Variants in SEPTIN9 observed in about 807,000 individuals in gnomAD.
SEPTIN9 encodes septin 9, also known as septin-9.
SEPTIN9 carries 13 observed loss-of-function variants against 56.6 expected under a neutral mutation model. The ratio of observed to expected loss-of-function variants is 0.23; its 90% confidence interval spans 0.15 to 0.37. The LOEUF (loss-of-function observed/expected upper bound fraction) is 0.37. Among genes scored for constraint, SEPTIN9 ranks in the 10% least tolerant of loss-of-function variants. SEPTIN9 has a pLI of 1.00. For synonymous variants in SEPTIN9, 332 were observed against 334.1 expected, an observed-to-expected ratio of 0.99 and a Z score of 0.07; for missense variants, 650 against 823.1, an observed-to-expected ratio of 0.79 and a Z score of 2.57.
At chr17:77,356,375 G>C (rs372250457) in intron 2 of SEPTIN9, among the ~76,000 whole-genome samples, 43 of 152,134 alleles carry the variant, frequency 2.8e-4, no homozygotes, top group African/African-American at 8.9e-4. Flanking sequence ...TGGTGGCTGA[G>C]AACAGGGACG....
chr17:77,363,339 G>A (rs2034476413), intron 2 of SEPTIN9, among the ~76,000 whole-genome samples: 1 of 151,560 alleles, frequency 6.6e-6, no homozygotes, highest in Non-Finnish European at 1.5e-5. Flanking sequence ...CCACCCAGAG[G>A]TGGGAAGGTG....
intron 3 of SEPTIN9, among the ~76,000 whole-genome samples, chr17:77,432,472 G>A (rs977974627): frequency 3.3e-5 from 5 of 152,254 alleles, no homozygotes; most frequent in East Asian, 1.9e-4. Flanking sequence ...GAGAACGGGG[G>A]TAGAGAGATG....
intron 4 of SEPTIN9, among the ~76,000 whole-genome samples, chr17:77,486,242 A>G (rs2039773602): frequency 6.6e-6 from 1 of 151,964 alleles, no homozygotes; most frequent in Admixed American, 6.6e-5. Context: ...AGCTGGGACT[A>G]TAGGTGCTCG....
chr17:77,376,501 G>A, intron 2 of SEPTIN9: 1 of 668,072 alleles, frequency 1.5e-6, no homozygotes, highest in South Asian at 6.6e-5. Context: ...GTCACCATGT[G>A]GGTTGCTGAG....
intron 2 of SEPTIN9, among the ~76,000 whole-genome samples, chr17:77,357,079 G>A (rs989085393): frequency 6.6e-6 from 1 of 152,086 alleles, no homozygotes; most frequent in Non-Finnish European, 1.5e-5. Context: ...AGGTGTCGGA[G>A]GAAGGGGCTG....
rs1319214070 is a variant in SEPTIN9 at position 77,425,280 on chromosome 17, G to A, written c.721+22577G>A. Reference sequence around the variant, plus strand: ...CAGCTGCACAGGAAGCCGGGCCAGCGGCCTCCGGAAGCCTCTGGGCTTTGC... The same window carrying A: ...CAGCTGCACAGGAAGCCGGGCCAGCAGCCTCCGGAAGCCTCTGGGCTTTGC... On this transcript the variant is annotated intron_variant, in intron 3 of 11. Coordinates refer to ENST00000427177, the MANE Select transcript of SEPTIN9 (RefSeq NM_001113491.2). This position sits in a 1 kb window ranked among gnomAD's most constrained non-coding sequence, Gnocchi z 4.2. Among the ~76,000 whole-genome samples the A allele has an allele frequency of 3.3e-5, 5 of 152,208 alleles. No homozygotes were observed. Among genetic ancestry groups the A allele is most frequent in the African/African-American group, 9.7e-5 (4 of 41,448 alleles).
rs2036020384 is a variant in SEPTIN9, at chr17:77,405,100, T to G, written c.721+2397T>G. On this transcript the variant is annotated intron_variant, in intron 3 of 11. Coordinates refer to ENST00000427177, the MANE Select transcript of SEPTIN9 (RefSeq NM_001113491.2). This position sits in a 1 kb window ranked among gnomAD's most constrained non-coding sequence, Gnocchi z 5.8. ...CCATCTAAATCTCGGTGATGGCTGGTGCTGGATGCACAGGGACGTGGTCCT... is the reference window on the plus strand; with the variant it reads ...CCATCTAAATCTCGGTGATGGCTGGGGCTGGATGCACAGGGACGTGGTCCT... The G allele has an allele frequency of 6.5e-7, 1 of 1,535,144 alleles. No individual in the cohort carries two copies.
Position 77,373,765 on chromosome 17 carries a change from G to A in SEPTIN9, c.77-28294G>A, listed in dbSNP as rs988647949. The A allele has an allele frequency of 5.7e-5, 52 of 915,284 alleles. No homozygotes were observed. In the African/African-American group the frequency reaches 8.5e-4, roughly 15 times the overall value. The allele number at this position is 915,284 out of a possible 1,614,324, so 56.7% of individuals were successfully genotyped here. On this transcript the variant is annotated intron_variant, in intron 2 of 11. Transcript: ENST00000427177. ...GGGGGACCCTGTTAGGGGCACCCGC[G>A]TAGACCCTGCGCGCCCTCACAGGAC... is the stretch of plus-strand genomic sequence containing the variant.
In SEPTIN9 at chr17:77,400,470, G is replaced by C. The variant is rs996025414; in HGVS notation, c.77-1589G>C. 1 of 152,166 alleles carries C rather than the reference G, an allele frequency of 6.6e-6. No homozygotes were observed. The highest frequency in any genetic ancestry group is 1.5e-5 in the Non-Finnish European group (1 of 68,040). 9.4% of individuals were successfully genotyped at this position (152,166 alleles called of 1,614,324 possible). A position where few individuals can be genotyped will look rare whatever the true frequency, so the allele number is the denominator to read the frequency against. ...AAGAAGGAGAGGTGCCTGTGGCTTA[G>C]AGAGGGCGCCCACAGGAGTGCCTTG... On this transcript the variant is annotated intron_variant, in intron 2 of 11. Coordinates refer to ENST00000427177, the MANE Select transcript of SEPTIN9 (RefSeq NM_001113491.2). This position sits in a 1 kb window ranked among gnomAD's most constrained non-coding sequence, Gnocchi z 4.1.
intron 2 of SEPTIN9, among the ~76,000 whole-genome samples, chr17:77,399,705 C>A (rs762534278): frequency 6.6e-6 from 1 of 152,146 alleles, no homozygotes; most frequent in Non-Finnish European, 1.5e-5. Context: ...GGGCATTGAA[C>A]CCTGGACTTT....
intron 2 of SEPTIN9, among the ~76,000 whole-genome samples, chr17:77,351,007 T>A (rs1438164483): frequency 2.8e-5 from 4 of 144,748 alleles, no homozygotes; most frequent in African/African-American, 9.8e-5. Flanking sequence ...ACCTGTGTGG[T>A]GTGTGCCTGC....
In SEPTIN9 at chr17:77,445,085, AT is replaced by A; in HGVS notation, c.722-37058del. 1 of 444,782 alleles carries A rather than the reference AT, an allele frequency of 2.2e-6. No individual in the cohort carries two copies. The highest frequency in any genetic ancestry group is 4.7e-6 in the Non-Finnish European group (1 of 211,804). The allele number at this position is 444,782 out of a possible 1,614,324, so 27.6% of individuals were successfully genotyped here. A position where few individuals can be genotyped will look rare whatever the true frequency, so the allele number is the denominator to read the frequency against. ...TGTGCAGAGGCCCCTCTGTCCCACC[AT>A]GCCTGCCTGGGGACGGCCTTCACTC... On this transcript the variant is annotated intron_variant, in intron 3 of 11. Coordinates refer to ENST00000427177, the MANE Select transcript of SEPTIN9 (RefSeq NM_001113491.2). The surrounding 1 kb of genome is among the most constrained non-coding windows in gnomAD (Gnocchi z 4.7).
chr17:77,301,091 T>G lies in SEPTIN9; in HGVS notation c.20-6050T>G, dbSNP rs560313487. Among the ~76,000 whole-genome samples, 312 of 133,890 alleles carry G rather than the reference T, an allele frequency of 2.3e-3. 3 individuals are homozygous for G. Among genetic ancestry groups the G allele is most frequent in the African/African-American group, 8.0e-3 (282 of 35,122 alleles). The allele number at this position is 133,890 out of a possible 152,430, so 87.8% of individuals were successfully genotyped here. A position where few individuals can be genotyped will look rare whatever the true frequency, so the allele number is the denominator to read the frequency against. On this transcript the variant is annotated intron_variant, in intron 1 of 11. Transcript: ENST00000427177. Reference sequence around the variant, plus strand: ...GGCTCAAACCACCCCCATCCTAGGCTCAAACCGCCCCCACCCCAGGCTCAA... The same window carrying G: ...GGCTCAAACCACCCCCATCCTAGGCGCAAACCGCCCCCACCCCAGGCTCAA...
Position 77,319,950 on chromosome 17 carries a change from A to C in SEPTIN9, c.76+12753A>C. 1 of 1,165,318 alleles carries C rather than the reference A, an allele frequency of 8.6e-7. No individual in the cohort carries two copies. The highest frequency in any genetic ancestry group is 4.1e-5 in the East Asian group (1 of 24,266). 72.2% of individuals were successfully genotyped at this position (1,165,318 alleles called of 1,614,324 possible). On this transcript the variant is annotated intron_variant, in intron 2 of 11. Coordinates refer to ENST00000427177, the MANE Select transcript of SEPTIN9 (RefSeq NM_001113491.2). This position sits in a 1 kb window ranked among gnomAD's most constrained non-coding sequence, Gnocchi z 5.3. ...CGGGACCTCTGCAGCCACCGACCAG[A>C]CCGGGCGGCCGGGACTCTGGGACTC...
At chr17:77,422,105 G>T (rs1470353120) in intron 3 of SEPTIN9, among the ~76,000 whole-genome samples, 1 of 152,144 alleles carries the variant, frequency 6.6e-6, no homozygotes, top group African/African-American at 2.4e-5. Flanking sequence ...TGATCCTCCT[G>T]CCTTGGCCTG....
At chr17:77,296,255 A>C (rs2031806800) in intron 1 of SEPTIN9, among the ~76,000 whole-genome samples, 1 of 152,216 alleles carries the variant, frequency 6.6e-6, no homozygotes, top group African/African-American at 2.4e-5. Context: ...CACTCCCTCC[A>C]CAGTAATCTG....
chr17:77,497,630 G>A (rs2040327214), intron 11 of SEPTIN9: 1 of 566,238 alleles, frequency 1.8e-6, no homozygotes, highest in Non-Finnish European at 3.2e-6. Context: ...ACTGTGGTCT[G>A]GCCCGTTAGA....
At position 77,310,323 on chromosome 17, in the gene SEPTIN9, G is replaced by A. The variant is rs539197484; in HGVS notation, c.76+3126G>A. Among the ~76,000 whole-genome samples the A allele has an allele frequency of 8.0e-4, 122 of 152,272 alleles. 1 individual carries two copies. Among genetic ancestry groups the A allele is most frequent in the African/African-American group, 2.8e-3 (117 of 41,550 alleles). On this transcript the variant is annotated intron_variant, in intron 2 of 11. Coordinates refer to ENST00000427177, the MANE Select transcript of SEPTIN9 (RefSeq NM_001113491.2). This position sits in a 1 kb window ranked among gnomAD's most constrained non-coding sequence, Gnocchi z 4.7. Reference sequence around the variant, plus strand: ...ACGGTCATCAGCATCGTGTGACTGAGCAGCCTAGGTCTGTCTCCTCTTGAA... The same window carrying A: ...ACGGTCATCAGCATCGTGTGACTGAACAGCCTAGGTCTGTCTCCTCTTGAA...
At chr17:77,374,571 C>T (rs748799559) in intron 2 of SEPTIN9, 2 of 152,418 alleles carry the variant, frequency 1.3e-5, no homozygotes, top group Admixed American at 6.5e-5. Context: ...GCAGAGCCCT[C>T]TGGTGGGCCG....
Sources: gnomAD v4.1 joint callset for allele counts (sites outside exome capture counted in the v4.1 genomes callset) on GRCh38, gnomAD v4.1.1 for gene constraint, Gnocchi (gnomAD v3.1) non-coding constraint, MANE v1.5 for transcripts, NCBI Gene and HGNC (gene_info 2026-07-23, HGNC 2026-07-21) for gene names.